The following LPP variants were observed in gnomAD, a reference collection of about 807,000 sequenced individuals.
The protein encoded by LPP is LIM domain containing preferred translocation partner in lipoma.
A neutral mutation model predicts 60.4 loss-of-function variants in LPP; 38 were observed. The ratio of observed to expected loss-of-function variants is 0.63; its 90% confidence interval spans 0.49 to 0.83. LPP has a LOEUF of 0.83. Among genes scored for constraint, LPP ranks in the 40% least tolerant of loss-of-function variants. The pLI, the probability that LPP is intolerant of heterozygous loss-of-function variation, is 0.00. For synonymous variants in LPP, 328 were observed against 290.8 expected, an observed-to-expected ratio of 1.13 and a Z score of -1.30; for missense variants, 902 against 783.6, an observed-to-expected ratio of 1.15 and a Z score of -1.80.
rs534358941 is a variant in LPP, at chr3:188,862,815, G to C, written c.1411-3385G>C. 1.1e-3 allele frequency among the ~76,000 whole-genome samples: 168 copies of C among 151,242 alleles called. 2 individuals are homozygous for C. Among genetic ancestry groups the C allele is most frequent in the Middle Eastern group, 3.4e-3 (1 of 292 alleles). On this transcript the variant is annotated intron_variant, in intron 9 of 11. Transcript: ENST00000617246. ...AGAAAGAAAAAGAAAAAAGTGATTT[G>C]AATAGGCATATTTAGAGACATCCCT...
intron 9 of LPP, among the ~76,000 whole-genome samples, chr3:188,836,984 A>C (rs1179937583): frequency 1.3e-5 from 2 of 152,206 alleles, no homozygotes; most frequent in African/African-American, 4.8e-5. Context: ...GAATGAATTA[A>C]AATATTGTGC....
At chr3:188,386,554 A>G (rs1455567566) in intron 3 of LPP, among the ~76,000 whole-genome samples, 2 of 152,168 alleles carry the variant, frequency 1.3e-5, no homozygotes, top group African/African-American at 4.8e-5. Flanking sequence ...TCGTTGTCAG[A>G]CTGCAGTGAG....
intron 8 of LPP, among the ~76,000 whole-genome samples, chr3:188,729,714 C>T (rs1042545702): frequency 1.3e-5 from 2 of 151,962 alleles, no homozygotes; most frequent in Non-Finnish European, 2.9e-5. Flanking sequence ...CAGTGGCTCA[C>T]GCTTATAATC....
At chr3:188,638,236 G>T (rs1849261563) in intron 7 of LPP, among the ~76,000 whole-genome samples, 1 of 144,818 alleles carries the variant, frequency 6.9e-6, no homozygotes, top group South Asian at 2.3e-4. Context: ...ATGTAATCCA[G>T]CATATAAACA....
chr3:188,655,575 G>A (rs1853004285), intron 7 of LPP, among the ~76,000 whole-genome samples: 1 of 152,060 alleles, frequency 6.6e-6, no homozygotes, highest in Non-Finnish European at 1.5e-5. Flanking sequence ...TCACCCCTGG[G>A]GATGCTGGAA....
At chr3:188,865,749 G>T (rs1007317463) in intron 9 of LPP, among the ~76,000 whole-genome samples, 2 of 151,932 alleles carry the variant, frequency 1.3e-5, no homozygotes, top group Admixed American at 6.6e-5. Context: ...TGCTATGACT[G>T]CTTTCCAGCT....
chr3:188,160,375 G>A (rs1189254853), intron 1 of LPP, among the ~76,000 whole-genome samples: 2 of 150,802 alleles, frequency 1.3e-5, no homozygotes, highest in African/African-American at 2.4e-5. Flanking sequence ...TTGTATTTTT[G>A]TGGAGATGGG....
chr3:188,163,445 T>G (rs1193246400), intron 1 of LPP, among the ~76,000 whole-genome samples: 1 of 152,178 alleles, frequency 6.6e-6, no homozygotes, highest in East Asian at 1.9e-4. Context: ...ACTGTCAACT[T>G]GCAGAGGACT....
At chr3:188,645,802 A>G (rs1321355423) in intron 7 of LPP, among the ~76,000 whole-genome samples, 5 of 151,216 alleles carry the variant, frequency 3.3e-5, no homozygotes, top group African/African-American at 9.7e-5. Context: ...ATTGACAAAT[A>G]TAAGTTCAAA....
chr3:188,775,115 C>T (rs1004093687), intron 9 of LPP, among the ~76,000 whole-genome samples: 7 of 149,022 alleles, frequency 4.7e-5, no homozygotes, highest in African/African-American at 1.7e-4. Flanking sequence ...TGTAGTGGCA[C>T]AATCTTGGCT....
chr3:188,579,030 CA>C (rs529008639), intron 6 of LPP, among the ~76,000 whole-genome samples: 7 of 149,162 alleles, frequency 4.7e-5, no homozygotes, highest in Admixed American at 1.3e-4. Context: ...GATCACTTAC[CA>C]AAAAAAAAGG....
chr3:188,772,479 A>T (rs569154792), intron 9 of LPP, among the ~76,000 whole-genome samples: 77 of 151,966 alleles, frequency 5.1e-4, no homozygotes, highest in African/African-American at 1.8e-3. Flanking sequence ...CGGGGAGGTC[A>T]CCCTTTTTTC....
chr3:188,788,834 G>A (rs1044813322), intron 9 of LPP, among the ~76,000 whole-genome samples: 4 of 152,178 alleles, frequency 2.6e-5, no homozygotes, highest in Admixed American at 6.5e-5. Flanking sequence ...AATCTTGCCA[G>A]CACTCATTTC....
At chr3:188,834,175 C>G (rs1757759111) in intron 9 of LPP, among the ~76,000 whole-genome samples, 1 of 152,134 alleles carries the variant, frequency 6.6e-6, no homozygotes, top group Non-Finnish European at 1.5e-5. Flanking sequence ...TGTGCACACT[C>G]TATTCTCCTG....
intron 1 of LPP, among the ~76,000 whole-genome samples, chr3:188,189,546 A>G (rs367875420): frequency 6.6e-6 from 1 of 152,230 alleles, no homozygotes; most frequent in South Asian, 2.1e-4. Flanking sequence ...TACAAATTCC[A>G]CATCTATAAA....
intron 6 of LPP, among the ~76,000 whole-genome samples, chr3:188,561,137 T>A (rs528320710): frequency 1.3e-5 from 2 of 152,218 alleles, no homozygotes; most frequent in African/African-American, 4.8e-5. Flanking sequence ...TTTCAAACAT[T>A]TTCTTAAGCC....
At chr3:188,441,934 T>A (rs1794087950) in intron 4 of LPP, among the ~76,000 whole-genome samples, 1 of 152,104 alleles carries the variant, frequency 6.6e-6, no homozygotes, top group African/African-American at 2.4e-5. Context: ...CAATACTCAT[T>A]ACAGTTTCTA....
rs1156436883 is a variant in LPP, at chr3:188,160,439, T to C, written c.-190+6187T>C. On this transcript the variant is annotated intron_variant, in intron 1 of 11. Coordinates refer to ENST00000617246, the MANE Select transcript of LPP (RefSeq NM_001375462.1). ...GAACTCCTGACCTCAGGTGATCCGCTGGCCTTGGCCTCCCAAAGTGCTGGG... is the reference window on the plus strand; with the variant it reads ...GAACTCCTGACCTCAGGTGATCCGCCGGCCTTGGCCTCCCAAAGTGCTGGG... Among the ~76,000 whole-genome samples, 7 of 151,580 alleles carry C rather than the reference T, an allele frequency of 4.6e-5. No individual in the cohort carries two copies. The East Asian group carries it at 1.4e-3, about 29-fold the overall frequency.
At chr3:188,718,401 T>C (rs976528482) in intron 8 of LPP, among the ~76,000 whole-genome samples, 1 of 152,162 alleles carries the variant, frequency 6.6e-6, no homozygotes, top group Non-Finnish European at 1.5e-5. Context: ...AGACCGTAGA[T>C]CCACCTTATT....
Sources: gnomAD v4.1 joint callset for allele counts (sites outside exome capture counted in the v4.1 genomes callset) on GRCh38, gnomAD v4.1.1 for gene constraint, MANE v1.5 for transcripts, NCBI Gene and HGNC (gene_info 2026-07-23, HGNC 2026-07-21) for gene names.